The following ANGPT2 variants were observed in gnomAD, a reference collection of about 807,000 sequenced individuals.
The protein encoded by ANGPT2 is angiopoietin-2.
Under a neutral mutation model 62.9 loss-of-function variants are expected in ANGPT2, and 28 were observed. The observed-to-expected ratio is 0.44, with a 90% CI of 0.33 to 0.61. ANGPT2 has a LOEUF of 0.61. Among genes scored for constraint, ANGPT2 ranks in the 20% least tolerant of loss-of-function variants. The pLI, the probability that ANGPT2 is intolerant of heterozygous loss-of-function variation, is 0.03. For missense variants in ANGPT2, 727 were observed against 594.9 expected, an observed-to-expected ratio of 1.22 and a Z score of -2.31; for synonymous variants, 284 against 207.8, an observed-to-expected ratio of 1.37 and a Z score of -3.15.
Position 6,528,499 on chromosome 8 carries a change from TC to T in ANGPT2, c.445-824del, listed in dbSNP as rs371338591. On this transcript the variant is annotated intron_variant, in intron 2 of 8. Coordinates refer to ENST00000629816, the MANE Select transcript of ANGPT2 (RefSeq NM_001118887.2). ...GTCACCACTTGTTTAGACTTTTATT[TC>T]TTCTTGCCATTTCTCCTTCCTGTTT... Among the ~76,000 whole-genome samples, 311 of 152,346 alleles carry T rather than the reference TC, an allele frequency of 2.0e-3. 2 individuals carry two copies. The highest frequency in any genetic ancestry group is 6.8e-3 in the Middle Eastern group (2 of 294).
At chr8:6,536,040 G>C (rs1280198847) in intron 1 of ANGPT2, among the ~76,000 whole-genome samples, 1 of 152,114 alleles carries the variant, frequency 6.6e-6, no homozygotes, top group Non-Finnish European at 1.5e-5. Context: ...TTGGGCGACA[G>C]AGTGAGACCT....
intron 1 of ANGPT2, 74 bp downstream of exon 1, chr8:6,562,573 G>GTT: frequency 1.4e-5 from 1 of 74,000 alleles, no homozygotes. Context: ...TTTTTTTTTG[G>GTT]TTGTTAAAAC....
chr8:6,516,615 C>A (rs1457914474), intron 5 of ANGPT2, among the ~76,000 whole-genome samples: 1 of 152,168 alleles, frequency 6.6e-6, no homozygotes, highest in Non-Finnish European at 1.5e-5. Context: ...ATCAATATTT[C>A]TTTTTAAAAA....
intron 1 of ANGPT2, among the ~76,000 whole-genome samples, chr8:6,537,602 C>T (rs1040798595): frequency 6.6e-6 from 1 of 151,346 alleles, no homozygotes; most frequent in African/African-American, 2.4e-5. Context: ...AAAATATGTT[C>T]TGAAGTTTTT....
Position 6,532,349 on chromosome 8 carries a change from T to A in ANGPT2, c.427A>T (p.Thr143Ser). Residue 143 changes from threonine to serine, a missense_variant, in exon 2 of 9, where the codon ACT becomes TCT. Physicochemically the swap from Thr to Ser is moderately conservative, Grantham distance 58. Coordinates refer to ENST00000629816, the MANE Select transcript of ANGPT2 (RefSeq NM_001118887.2). ...TTACTTACTTGGGCTTCCACATCAG[T>A]TAACTTCCGCGTTTGCTCCGCTGTT... is the stretch of plus-strand genomic sequence containing the variant. ...NQTAEQTRKL[T>S]DVEAQVLNQT... 1 of 1,614,166 alleles carries A rather than the reference T, an allele frequency of 6.2e-7. No homozygotes were observed. The highest frequency in any genetic ancestry group is 2.2e-5 in the East Asian group (1 of 44,888).
At chr8:6,557,276 G>A (rs535374913) in intron 1 of ANGPT2, among the ~76,000 whole-genome samples, 2 of 152,160 alleles carry the variant, frequency 1.3e-5, no homozygotes, top group South Asian at 2.1e-4. Context: ...AGCATGCCCC[G>A]TGTTTATAAG....
chr8:6,506,878 A>C (rs1405471774), intron 8 of ANGPT2, among the ~76,000 whole-genome samples: 1 of 151,482 alleles, frequency 6.6e-6, no homozygotes, highest in Non-Finnish European at 1.5e-5. Context: ...TCATTACTAA[A>C]TCCTCCTTTT....
intron 1 of ANGPT2, among the ~76,000 whole-genome samples, chr8:6,555,824 C>T (rs749436691): frequency 6.6e-6 from 1 of 152,178 alleles, no homozygotes; most frequent in Non-Finnish European, 1.5e-5. Flanking sequence ...ACCAATTGCA[C>T]CAATTCTATT....
chr8:6,530,429 A>G (rs1388085850), intron 2 of ANGPT2, among the ~76,000 whole-genome samples: 1 of 150,698 alleles, frequency 6.6e-6, no homozygotes, highest in Non-Finnish European at 1.5e-5. Context: ...GAATCGCTTG[A>G]ACCCGGGAGG....
At chr8:6,552,858 C>T (rs2515497) in intron 1 of ANGPT2, among the ~76,000 whole-genome samples, 117,632 of 151,724 alleles carry the variant, frequency 0.78, 45,848 homozygotes, top group Non-Finnish European at 0.82. Flanking sequence ...GAAGCCAGTC[C>T]GAAAAGGCTG....
chr8:6,532,397 T>C lies in ANGPT2; in HGVS notation c.379A>G (p.Ile127Val). The C allele has an allele frequency of 6.2e-7, 1 of 1,614,148 alleles. No individual in the cohort carries two copies. The highest frequency in any genetic ancestry group is 8.5e-7 in the Non-Finnish European group (1 of 1,180,030). ...GTTTGGTTCAACAGGTTTGTCCCTATTTCTATCATCACAGCCGTCTGGTTC... is the reference window on the plus strand; with the variant it reads ...GTTTGGTTCAACAGGTTTGTCCCTACTTCTATCATCACAGCCGTCTGGTTC... ...VQNQTAVMIEIGTNLLNQTAE... is the reference protein window; with the variant it reads ...VQNQTAVMIEVGTNLLNQTAE... The change falls in exon 2 of 9, where the codon ATA (isoleucine) becomes GTA (valine). Residue 127 changes from isoleucine (I) to valine (V), a missense_variant. By Grantham distance (29) the Ile-to-Val change is conservative (BLOSUM62 3). Coordinates refer to ENST00000629816, the MANE Select transcript of ANGPT2 (RefSeq NM_001118887.2).
chr8:6,558,548 A>C (rs977329931), intron 1 of ANGPT2, among the ~76,000 whole-genome samples: 5 of 152,230 alleles, frequency 3.3e-5, no homozygotes, highest in African/African-American at 1.2e-4. Context: ...TAACTGGCTT[A>C]CAGATAAACT....
Position 6,501,427 on chromosome 8 carries a change from A to T in ANGPT2, c.*1674T>A, listed in dbSNP as rs1812153715. 6.6e-6 allele frequency: 1 copy of T among 152,214 alleles called. No individual in the cohort carries two copies. The highest frequency in any genetic ancestry group is 1.5e-5 in the Non-Finnish European group (1 of 68,038). The allele number at this position is 152,214 out of a possible 1,614,324, so 9.4% of individuals were successfully genotyped here. On this transcript the variant is annotated 3_prime_UTR_variant, in exon 9 of 9. Transcript: ENST00000629816. ...TATGAGAAATTGCCTTTAAATTATA[A>T]AGCTTTACACAAATGTTCATTAGTA...
At chr8:6,532,106 A>G (rs1819630987) in intron 2 of ANGPT2, among the ~76,000 whole-genome samples, 1 of 152,230 alleles carries the variant, frequency 6.6e-6, no homozygotes, top group Non-Finnish European at 1.5e-5. Context: ...TGTCTTCAGT[A>G]GATAGAACAC....
At chr8:6,533,674 C>T (rs1264699203) in intron 1 of ANGPT2, among the ~76,000 whole-genome samples, 2 of 147,328 alleles carry the variant, frequency 1.4e-5, no homozygotes, top group Non-Finnish European at 3.0e-5. Flanking sequence ...TGTTTTCTTC[C>T]TTTTCACATA....
At chr8:6,533,357 C>G (rs183976988) in intron 1 of ANGPT2, among the ~76,000 whole-genome samples, 1 of 152,146 alleles carries the variant, frequency 6.6e-6, no homozygotes, top group African/African-American at 2.4e-5. Flanking sequence ...CAACTGAGTA[C>G]GTGGGAAGAG....
chr8:6,505,077 T>A (rs138703102), intron 8 of ANGPT2, among the ~76,000 whole-genome samples: 109 of 139,188 alleles, frequency 7.8e-4, no homozygotes, highest in African/African-American at 2.6e-3. Flanking sequence ...TAAAGTGAAT[T>A]AACCTCGACC....
chr8:6,504,395 GC>G (rs1241867585), intron 8 of ANGPT2, among the ~76,000 whole-genome samples: 1 of 150,932 alleles, frequency 6.6e-6, no homozygotes, highest in Non-Finnish European at 1.5e-5. Context: ...ATCTCCTGAT[GC>G]CCACTTCATC....
chr8:6,511,265 G>A (rs1222287776), intron 7 of ANGPT2, among the ~76,000 whole-genome samples: 1 of 150,692 alleles, frequency 6.6e-6, no homozygotes, highest in African/African-American at 2.4e-5. Flanking sequence ...CGTTCTTGAA[G>A]TTGCTTTACA....
Sources: allele counts gnomAD v4.1 joint callset (sites outside exome capture counted in the v4.1 genomes callset), GRCh38; gene constraint gnomAD v4.1.1; transcripts MANE v1.5; gene names NCBI Gene and HGNC (gene_info 2026-07-23, HGNC 2026-07-21).